GCNT1: variants seen among roughly 807,000 people sequenced by gnomAD.
GCNT1 encodes beta-1,3-galactosyl-O-glycosyl-glycoprotein beta-1,6-N-acetylglucosaminyltransferase.
A neutral mutation model predicts 26.2 loss-of-function variants in GCNT1; 16 were observed. That is an observed-to-expected ratio of 0.61 (90% CI 0.41 to 0.93). The LOEUF (loss-of-function observed/expected upper bound fraction) is 0.93, where lower values mean the gene tolerates loss of function less well. Ranked by LOEUF, GCNT1 falls within the 40% of genes least tolerant of loss-of-function variation. The pLI is 0.00. For missense variants in GCNT1, 477 were observed against 526.7 expected (o/e 0.91, Z 0.92); for synonymous variants, 183 against 190.8 (o/e 0.96, Z 0.34).
In GCNT1 at chr9:76,502,508, G is replaced by T. The variant is rs745466671; in HGVS notation, c.127G>T (p.Val43Phe). The change falls in exon 4 of 4, where the codon GTC becomes TTC. Residue 43 changes from valine to phenylalanine, a missense_variant. Physicochemically the swap from Val to Phe is conservative, Grantham distance 50 (BLOSUM62 -1). Coordinates refer to ENST00000376730, the MANE Select transcript of GCNT1 (RefSeq NM_001490.5). ...TCATCAAAAGCCTGAATTTGTAAGT[G>T]TCAGACACTTGGAGCTTGCTGGGGA... Reference protein sequence around the residue: ...RIHQKPEFVSVRHLELAGENP... With the variant: ...RIHQKPEFVSFRHLELAGENP... The T allele has an allele frequency of 1.2e-5, 19 of 1,613,954 alleles. No individual in the cohort carries two copies. The South Asian group carries it at 2.1e-4, about 18-fold the overall frequency.
At chr9:76,479,524 T>C (rs1339297047) in intron 2 of GCNT1, among the ~76,000 whole-genome samples, 1 of 152,242 alleles carries the variant, frequency 6.6e-6, no homozygotes. Flanking sequence ...CAGCACCTGT[T>C]GTTACCTGAC....
intron 2 of GCNT1, among the ~76,000 whole-genome samples, chr9:76,491,578 G>T (rs1005955892): frequency 6.6e-6 from 1 of 152,182 alleles, no homozygotes; most frequent in Admixed American, 6.5e-5. Flanking sequence ...GCTGGTCCCT[G>T]GGGGAAGAGG....
intron 2 of GCNT1, among the ~76,000 whole-genome samples, chr9:76,467,877 C>T (rs1203383272): frequency 5.4e-5 from 8 of 147,846 alleles, no homozygotes; most frequent in Non-Finnish European, 1.0e-4. Flanking sequence ...GTCAAGAATG[C>T]CAGTGGTCCC....
intron 2 of GCNT1, among the ~76,000 whole-genome samples, chr9:76,499,315 A>C (rs1824998421): frequency 6.6e-6 from 1 of 151,910 alleles, no homozygotes; most frequent in Non-Finnish European, 1.5e-5. Context: ...TTTAGTAGAG[A>C]TGGGGTTTCA....
chr9:76,428,888 C>A (rs566579480), intron 1 of GCNT1, among the ~76,000 whole-genome samples: 2 of 151,930 alleles, frequency 1.3e-5, no homozygotes, highest in African/African-American at 2.4e-5. Flanking sequence ...TTAGTAGAGA[C>A]GAGGTTTCTC....
chr9:76,438,394 A>G (rs539051900), upstream of GCNT1, among the ~76,000 whole-genome samples: 4 of 152,310 alleles, frequency 2.6e-5, no homozygotes, highest in East Asian at 7.7e-4. Flanking sequence ...GGTGTTGTGG[A>G]GACTAAGGCC....
At chr9:76,458,474 G>A (rs1036095367), upstream of GCNT1, among the ~76,000 whole-genome samples, 11 of 151,588 alleles carry the variant, frequency 7.3e-5, no homozygotes, top group African/African-American at 2.7e-4. Context: ...GAGCCACCGC[G>A]CCCGGCCAGA....
chr9:76,446,699 C>T (rs754716345), intron 1 of GCNT1, among the ~76,000 whole-genome samples: 14 of 152,030 alleles, frequency 9.2e-5, no homozygotes, highest in African/African-American at 3.1e-4. Flanking sequence ...GGCATAGCCC[C>T]GTACTGGATA....
chr9:76,394,026 GC>G, the GCNT1 span: 1 of 1,482,356 alleles, frequency 6.7e-7, no homozygotes, highest in Non-Finnish European at 9.1e-7. Context: ...CAAGTCCCCG[GC>G]TGCCGTCTCT....
the GCNT1 span, among the ~76,000 whole-genome samples, chr9:76,394,708 G>C: frequency 6.6e-6 from 1 of 152,238 alleles, no homozygotes; most frequent in Non-Finnish European, 1.5e-5. Context: ...CCTGAGAGCC[G>C]CGAAAGCACA....
At chr9:76,421,468 G>T (rs553406719) in intron 1 of GCNT1, among the ~76,000 whole-genome samples, 3 of 151,686 alleles carry the variant, frequency 2.0e-5, no homozygotes, top group South Asian at 4.2e-4. Context: ...GCTGACCATG[G>T]TGGTGTGTGC....
intron 2 of GCNT1, among the ~76,000 whole-genome samples, chr9:76,478,339 G>A (rs937402373): frequency 1.3e-5 from 2 of 152,106 alleles, no homozygotes; most frequent in Non-Finnish European, 1.5e-5. Flanking sequence ...AAAGAACTCC[G>A]GGCATGCCAT....
chr9:76,477,067 A>C (rs908444470), intron 2 of GCNT1, among the ~76,000 whole-genome samples: 5 of 151,890 alleles, frequency 3.3e-5, no homozygotes, highest in African/African-American at 4.8e-5. Context: ...GGTGTGCACC[A>C]CCACGCCTGG....
chr9:76,470,603 CAAAAAAAA>C (rs10564028), intron 2 of GCNT1, among the ~76,000 whole-genome samples: 1 of 94,226 alleles, frequency 1.1e-5, no homozygotes, highest in African/African-American at 4.0e-5. Context: ...GACCCTGTCC[CAAAAAAAA>C]AAAAAAAAAA....
At chr9:76,408,899 G>A in the GCNT1 span, among the ~76,000 whole-genome samples, 2 of 152,228 alleles carry the variant, frequency 1.3e-5, no homozygotes, top group South Asian at 4.2e-4. Flanking sequence ...ATGTTAGCCA[G>A]GCTGGTCTTA....
In GCNT1 at chr9:76,503,036, A is replaced by G. The variant is rs145116432; in HGVS notation, c.655A>G (p.Met219Val). The change falls in exon 4 of 4, where the codon ATG (methionine) becomes GTG (valine). Residue 219 changes from methionine to valine, a missense_variant. Met to Val is a conservative substitution (Grantham distance 21). Coordinates refer to ENST00000376730, the MANE Select transcript of GCNT1 (RefSeq NM_001490.5). ...NWKYLINLCG[M>V]DFPIKTNLEI... is the part of the protein sequence containing the mutation. ...GAAGTACTTGATAAATCTTTGTGGT[A>G]TGGATTTTCCCATTAAAACCAACCT... 3.7e-6 allele frequency: 6 copies of G among 1,613,984 alleles called. No homozygotes were observed. The African/African-American group carries it at 4.0e-5, about 11-fold the overall frequency.
chr9:76,502,529 G>A lies in GCNT1; in HGVS notation c.148G>A (p.Gly50Arg). The change falls in exon 4 of 4, where the codon GGG (glycine) becomes AGG (arginine). Residue 50 changes from glycine to arginine, a missense_variant. Coordinates refer to ENST00000376730, the MANE Select transcript of GCNT1 (RefSeq NM_001490.5). Reference protein sequence around the residue: ...FVSVRHLELAGENPSSDINCT... With the variant: ...FVSVRHLELARENPSSDINCT... ...AAGTGTCAGACACTTGGAGCTTGCT[G>A]GGGAGAATCCTAGTAGTGATATTAA... The A allele has an allele frequency of 6.2e-7, 1 of 1,614,004 alleles. No individual in the cohort carries two copies. Among genetic ancestry groups the A allele is most frequent in the South Asian group, 1.1e-5 (1 of 91,076 alleles).
intron 1 of GCNT1, among the ~76,000 whole-genome samples, chr9:76,447,151 C>CAAAAA (rs532132124): frequency 4.7e-4 from 17 of 35,984 alleles, no homozygotes; most frequent in African/African-American, 5.8e-4. Context: ...AACCCTGTGT[C>CAAAAA]AAAAAAAAAA....
At chr9:76,466,548 C>T (rs1823999092) in intron 2 of GCNT1, among the ~76,000 whole-genome samples, 1 of 152,124 alleles carries the variant, frequency 6.6e-6, no homozygotes, top group South Asian at 2.1e-4. Context: ...GGCAATCTGC[C>T]CACCTTGGCT....
Sources: gnomAD v4.1 joint callset for allele counts (sites outside exome capture counted in the v4.1 genomes callset) on GRCh38, gnomAD v4.1.1 for gene constraint, MANE v1.5 for transcripts, NCBI Gene and HGNC (gene_info 2026-07-23, HGNC 2026-07-21) for gene names.